RELL1: variants seen among roughly 807,000 people sequenced by gnomAD.
RELL1 encodes RELT like 1, also known as RELT-like protein 1.
A neutral mutation model predicts 23.0 loss-of-function variants in RELL1; 10 were observed. The ratio of observed to expected loss-of-function variants is 0.43; its 90% CI spans 0.27 to 0.74. The LOEUF is 0.74. Ranked by LOEUF, RELL1 falls within the 30% of genes least tolerant of loss-of-function variation. RELL1 has a pLI of 0.19. For synonymous variants in RELL1, 146 were observed against 146.8 expected (o/e 0.99, Z 0.04); for missense variants, 315 against 364.4 (o/e 0.86, Z 1.10).
At chr4:37,602,857 G>A (rs1460129664) in intron 6 of RELL1, among the ~76,000 whole-genome samples, 3 of 152,152 alleles carry the variant, frequency 2.0e-5, no homozygotes, top group East Asian at 1.9e-4. Flanking sequence ...CATTCAGCGC[G>A]CGGGGTTCCC....
intron 6 of RELL1, among the ~76,000 whole-genome samples, chr4:37,627,661 TA>T (rs1443635834): frequency 6.6e-6 from 1 of 152,182 alleles, no homozygotes; most frequent in East Asian, 1.9e-4. Flanking sequence ...ATTTAGAATA[TA>T]AGTTTAGTTT....
downstream of RELL1, chr4:37,590,492 A>G: frequency 6.2e-7 from 1 of 1,613,686 alleles, no homozygotes; most frequent in Admixed American, 1.7e-5. Flanking sequence ...AGGAAACAGG[A>G]CTGTGTGCTG....
At position 37,671,726 on chromosome 4, in the gene RELL1, C is replaced by CAGCCACAGCTA. The variant is rs1469981006; in HGVS notation, c.88+14473_88+14474insTAGCTGTGGCT. Among the ~76,000 whole-genome samples, 143 of 152,206 alleles carry CAGCCACAGCTA rather than the reference C, an allele frequency of 9.4e-4. No homozygotes were observed. The East Asian group carries it at 0.022, about 24-fold the overall frequency. On this transcript the variant is annotated intron_variant, in intron 1 of 6. Coordinates refer to ENST00000454158, the MANE Select transcript of RELL1 (RefSeq NM_001085400.2). ...AATAGCCAACCAGCAGCCCCGAGGG[C>CAGCCACAGCTA]TGCTGTGGAATAGCCTGTGGAATAG...
intron 6 of RELL1, among the ~76,000 whole-genome samples, chr4:37,630,525 C>T (rs1390401688): frequency 6.6e-6 from 1 of 151,722 alleles, no homozygotes; most frequent in Non-Finnish European, 1.5e-5. Flanking sequence ...CCACTACGCC[C>T]GGCTACTTTT....
At chr4:37,642,558 G>C (rs1299375705) in intron 3 of RELL1, among the ~76,000 whole-genome samples, 1 of 152,206 alleles carries the variant, frequency 6.6e-6, no homozygotes, top group Non-Finnish European at 1.5e-5. Context: ...ATTGTCCTGG[G>C]TTCCTGTCAC....
At position 37,600,706 on chromosome 4, in the gene RELL1, A is replaced by T. The variant is rs189464093; in HGVS notation, c.*4-9489T>A. Among the ~76,000 whole-genome samples the T allele has an allele frequency of 1.5e-4, 23 of 151,788 alleles. No homozygotes were observed. The East Asian group carries it at 3.9e-3, about 26-fold the overall frequency. On this transcript the variant is annotated intron_variant, in intron 6 of 6. Transcript: ENST00000314117. ...TTTTAATACAAAACAGAAACCATGG[A>T]AGATTTGGGAGGGTTGATTGGTTAT...
At chr4:37,635,157 G>A (rs761948211) in intron 4 of RELL1, 34 bp from the exon 5 acceptor site, 1 of 1,534,668 alleles carries the variant, frequency 6.5e-7, no homozygotes, top group Admixed American at 1.7e-5. Flanking sequence ...AGAGCAACTG[G>A]TTAAAGGAAA....
chr4:37,589,426 A>C (rs2109462223), downstream of RELL1, among the ~76,000 whole-genome samples: 1 of 152,360 alleles, frequency 6.6e-6, no homozygotes, highest in East Asian at 1.9e-4. Context: ...TATTGTAAGT[A>C]TCATTCCTGT....
At chr4:37,590,346 T>C, downstream of RELL1, 2 of 1,613,538 alleles carry the variant, frequency 1.2e-6, no homozygotes, top group Non-Finnish European at 1.7e-6. Flanking sequence ...ATGCCTGCGG[T>C]GTCAACGGCA....
At chr4:37,590,450 C>A (rs1333259917), downstream of RELL1, 2 of 1,610,508 alleles carry the variant, frequency 1.2e-6, no homozygotes, top group South Asian at 2.2e-5. Flanking sequence ...ACTGTTCCCC[C>A]AACTCAACCC....
At chr4:37,614,082 A>G (rs1451058106) in intron 6 of RELL1, among the ~76,000 whole-genome samples, 2 of 152,190 alleles carry the variant, frequency 1.3e-5, no homozygotes, top group African/African-American at 4.8e-5. Context: ...TGTACCCTAT[A>G]AACACTAAAC....
intron 1 of RELL1, among the ~76,000 whole-genome samples, chr4:37,667,943 T>C (rs1381643547): frequency 6.6e-6 from 1 of 151,602 alleles, no homozygotes; most frequent in African/African-American, 2.4e-5. Context: ...TTGTCCAAAA[T>C]GATCTCAATT....
rs182555938 is a variant in RELL1 at position 37,598,396 on chromosome 4, C to A, written c.*4-7179G>T. Among the ~76,000 whole-genome samples, 596 of 149,792 alleles carry A rather than the reference C, an allele frequency of 4.0e-3. 1 individual carries two copies. Among genetic ancestry groups the A allele is most frequent in the Non-Finnish European group, 6.0e-3 (408 of 67,780 alleles). Reference sequence around the variant, plus strand: ...TCAGTAATTAATTTCTGGGAGCCAACAAGTTATGGGTTTTGGTATTTTGTT... The same window carrying A: ...TCAGTAATTAATTTCTGGGAGCCAAAAAGTTATGGGTTTTGGTATTTTGTT... On this transcript the variant is annotated intron_variant, in intron 6 of 6. Coordinates refer to the RELL1 transcript ENST00000314117.
intron 6 of RELL1, among the ~76,000 whole-genome samples, chr4:37,594,672 G>A (rs2940995): frequency 0.55 from 83,439 of 151,872 alleles, 26,331 homozygotes; most frequent in Non-Finnish European, 0.72. Context: ...CCAAAAAAAC[G>A]AAGAGAATTT....
intron 6 of RELL1, among the ~76,000 whole-genome samples, chr4:37,596,137 G>A (rs540746186): frequency 6.6e-6 from 1 of 152,272 alleles, no homozygotes; most frequent in South Asian, 2.1e-4. Flanking sequence ...TAAACCTGGG[G>A]TGAAATCCGG....
At position 37,622,979 on chromosome 4, in the gene RELL1, AT is replaced by A. The variant is rs1473349280; in HGVS notation, c.*3+8405del. The A allele has an allele frequency of 8.1e-6, 3 of 370,746 alleles. No homozygotes were observed. In the East Asian group the frequency reaches 2.2e-4, roughly 27 times the overall value. The allele number at this position is 370,746 out of a possible 1,614,324, so 23.0% of individuals were successfully genotyped here. A position where few individuals can be genotyped will look rare whatever the true frequency, so the allele number is the denominator to read the frequency against. ...GCCACCATGCCTACCTAATTTTTGT[AT>A]TTTTAGTAGAGATGGGGTTTCACCG... On this transcript the variant is annotated intron_variant, in intron 6 of 6. Coordinates refer to ENST00000454158, the MANE Select transcript of RELL1 (RefSeq NM_001085400.2).
At chr4:37,640,484 T>C (rs1202424837) in intron 3 of RELL1, among the ~76,000 whole-genome samples, 1 of 152,248 alleles carries the variant, frequency 6.6e-6, no homozygotes, top group Non-Finnish European at 1.5e-5. Flanking sequence ...TACAATTTTG[T>C]ATTTTATTGT....
downstream of RELL1, among the ~76,000 whole-genome samples, chr4:37,589,291 G>A (rs1718475804): frequency 6.6e-6 from 1 of 152,170 alleles, no homozygotes; most frequent in Non-Finnish European, 1.5e-5. Context: ...AAGGGTAACT[G>A]ATGATCTTGC....
downstream of RELL1, among the ~76,000 whole-genome samples, chr4:37,605,835 G>GAAAGAAAGAAAGAA (rs1274347554): frequency 1.8e-5 from 2 of 110,492 alleles, no homozygotes; most frequent in African/African-American, 5.8e-5. Context: ...AAGAAAGAAA[G>GAAAGAAAGAAAGAA]AAAGAAAGAA....
Sources: allele counts gnomAD v4.1 joint callset (sites outside exome capture counted in the v4.1 genomes callset), GRCh38; gene constraint gnomAD v4.1.1; transcripts MANE v1.5; gene names NCBI Gene and HGNC (gene_info 2026-07-23, HGNC 2026-07-21).